VWF: variants seen among roughly 807,000 people sequenced by gnomAD.
VWF encodes the protein Factor VIII related antigen.
In VWF, 176 loss-of-function variants were observed where a neutral mutation model predicts 308.6. The ratio of observed to expected loss-of-function variants is 0.57; its 90% confidence interval spans 0.50 to 0.65. The LOEUF (loss-of-function observed/expected upper bound fraction) is 0.65, where lower values mean the gene tolerates loss of function less well. VWF is among the 30% of genes least tolerant of loss of function. The pLI is 0.00. For synonymous variants in VWF, 1,385 were observed against 1,443.4 expected (o/e 0.96, Z 0.92); for missense variants, 3,146 against 3,648.2 (o/e 0.86, Z 3.55).
intron 3 of VWF, among the ~76,000 whole-genome samples, chr12:6,112,864 C>T (rs144441430): frequency 9.3e-6 from 1 of 107,802 alleles, no homozygotes; most frequent in Non-Finnish European, 1.9e-5. Flanking sequence ...CACACGCACA[C>T]ACACCATGCA....
intron 13 of VWF, among the ~76,000 whole-genome samples, chr12:6,061,090 A>T (rs1944649823): frequency 6.6e-6 from 1 of 152,094 alleles, no homozygotes; most frequent in Non-Finnish European, 1.5e-5. Flanking sequence ...AATCTCAGCT[A>T]CTCGGGAGGT....
At chr12:6,095,174 T>C (rs907591518) in intron 6 of VWF, 2 of 416,624 alleles carry the variant, frequency 4.8e-6, no homozygotes, top group Non-Finnish European at 4.5e-6. Flanking sequence ...CCTCCAGAAC[T>C]ATAAAAGATA....
rs73266874 is a variant in VWF at position 6,114,400 on chromosome 12, C to T, written c.221-3432G>A. On this transcript the variant is annotated intron_variant, in intron 3 of 51. Coordinates refer to ENST00000261405, the MANE Select transcript of VWF (RefSeq NM_000552.5). ...GGGTGCCACAGGGGAGCCCGGAGGT[C>T]GCTATGGCTATAAGTTTGTAAAGTA... Among the ~76,000 whole-genome samples the T allele has an allele frequency of 6.8e-3, 1,034 of 152,236 alleles. 13 individuals carry two copies. Among genetic ancestry groups the T allele is most frequent in the African/African-American group, 0.022 (927 of 41,536 alleles).
chr12:6,068,202 C>T (rs1275269224), intron 10 of VWF, among the ~76,000 whole-genome samples: 4 of 151,788 alleles, frequency 2.6e-5, no homozygotes, highest in Non-Finnish European at 5.9e-5. Context: ...AAGATCCTGC[C>T]TCATGAAAAA....
intron 5 of VWF, 56 bp downstream of exon 5, chr12:6,110,318 A>C: frequency 6.3e-7 from 1 of 1,578,980 alleles, no homozygotes; most frequent in South Asian, 1.1e-5. Context: ...GTTTATGAGC[A>C]AGGAAATAAA....
chr12:5,953,619 G>A (rs1193334816), intron 47 of VWF, 25 bp from the exon 48 acceptor site: 1 of 1,598,000 alleles, frequency 6.3e-7, no homozygotes, highest in Non-Finnish European at 8.6e-7. Context: ...GGAAAAAGCA[G>A]CCATAGTTAA....
chr12:6,017,568 G>A (rs1040650354), intron 28 of VWF, among the ~76,000 whole-genome samples: 4 of 152,318 alleles, frequency 2.6e-5, no homozygotes, highest in Non-Finnish European at 5.9e-5. Flanking sequence ...ACTAGGAATG[G>A]ATTAGACGCC....
In VWF at chr12:6,018,579, A is replaced by G; in HGVS notation, c.4839T>C (p.Ser1613=). ...LVYMVTGNPA[S]DEIKRLPGDI... ...CTCCAGGCAGCCTCTTGATCTCATC[A>G]GAGGCAGGATTTCCGGTGACCATGT... The change falls in exon 28 of 52, where the codon TCT becomes TCC. Residue 1613 remains serine (S), a synonymous_variant. Transcript: ENST00000261405. The G allele has an allele frequency of 6.2e-7, 1 of 1,614,140 alleles. No homozygotes were observed. Among genetic ancestry groups the G allele is most frequent in the Non-Finnish European group, 8.5e-7 (1 of 1,180,006 alleles).
At chr12:6,043,187 A>C (rs1245518397) in intron 18 of VWF, among the ~76,000 whole-genome samples, 1 of 152,206 alleles carries the variant, frequency 6.6e-6, no homozygotes, top group Non-Finnish European at 1.5e-5. Context: ...AGGAGGAGAG[A>C]ATTAACAAGA....
chr12:6,111,751 C>T (rs1194162776), intron 3 of VWF, among the ~76,000 whole-genome samples: 1 of 151,926 alleles, frequency 6.6e-6, no homozygotes, highest in African/African-American at 2.4e-5. Context: ...GAGATCGAGA[C>T]CATCCTGGCT....
chr12:5,964,242 A>G (rs11063960), intron 47 of VWF, among the ~76,000 whole-genome samples: 13,986 of 136,882 alleles, frequency 0.1, 752 homozygotes, highest in South Asian at 0.21. Context: ...ATACATACAT[A>G]CATACATGCA....
At chr12:6,070,771 A>C (rs1227040914) in intron 10 of VWF, among the ~76,000 whole-genome samples, 1 of 151,806 alleles carries the variant, frequency 6.6e-6, no homozygotes, top group African/African-American at 2.4e-5. Context: ...GAGATTGCTC[A>C]ATAATTTTTC....
At chr12:6,056,833 G>C in intron 15 of VWF, 24 bp downstream of exon 15, 1 of 1,361,784 alleles carries the variant, frequency 7.3e-7, no homozygotes, top group Non-Finnish European at 9.4e-7. Context: ...GGCCCGGAGG[G>C]CTGCGGGCAG....
In VWF at chr12:6,111,540, T is replaced by A. The variant is rs550240296; in HGVS notation, c.221-572A>T. ...AGTATGTACCACCACATCCAGCTAA[T>A]TTTTTTTTTCTTTTTGTAGAGACAA... On this transcript the variant is annotated intron_variant, in intron 3 of 51. Transcript: ENST00000261405. Among the ~76,000 whole-genome samples the A allele has an allele frequency of 1.3e-4, 19 of 150,910 alleles. No individual in the cohort carries two copies. In the South Asian group the frequency reaches 4.1e-3, roughly 32 times the overall value.
intron 34 of VWF, among the ~76,000 whole-genome samples, chr12:6,003,326 G>GA (rs948410145): frequency 6.6e-6 from 1 of 152,176 alleles, no homozygotes; most frequent in African/African-American, 2.4e-5. Context: ...ATCAATAACT[G>GA]AAAGAGTGTG....
intron 20 of VWF, among the ~76,000 whole-genome samples, chr12:6,032,829 C>T (rs766707134): frequency 6.6e-5 from 10 of 151,936 alleles, no homozygotes; most frequent in African/African-American, 9.7e-5. Flanking sequence ...CACTCACACA[C>T]GTGCTCACAC....
intron 15 of VWF, 33 bp from the exon 16 acceptor site, chr12:6,052,816 G>A: frequency 6.2e-7 from 1 of 1,601,832 alleles, no homozygotes; most frequent in East Asian, 2.3e-5. Context: ...GGCCTCAGCG[G>A]GAATGTTGGA....
In VWF at chr12:5,968,164, C is replaced by A. The variant is rs770499408; in HGVS notation, c.7733G>T (p.Arg2578Leu). Residue 2578 changes from arginine (R) to leucine (L), a missense_variant, in exon 46 of 52, where the codon CGC becomes CTC. This residue lies in a region of VWF where 989 missense variants were observed against 1,117.4 expected (regional missense o/e 0.89). Coordinates refer to ENST00000261405, the MANE Select transcript of VWF (RefSeq NM_000552.5). ...GCCATTGAGCATGCAGGCCTCCATG[C>A]GCTCTGGGGGAGAGAAAAGTGCAGA... The part of the protein sequence containing the change: ...SACCPSCRCE[R>L]MEACMLNGTV... 14 of 1,613,922 alleles carry A rather than the reference C, an allele frequency of 8.7e-6. No individual in the cohort carries two copies. The highest frequency in any genetic ancestry group is 1.1e-5 in the South Asian group (1 of 91,084).
chr12:6,082,581 A>G (rs949017119), intron 6 of VWF, among the ~76,000 whole-genome samples: 3 of 152,196 alleles, frequency 2.0e-5, no homozygotes, highest in African/African-American at 7.2e-5. Context: ...ACACACTGTA[A>G]CCTCCTCTTG....
Sources: gnomAD v4.1 joint callset for allele counts (sites outside exome capture counted in the v4.1 genomes callset) on GRCh38, gnomAD v4.1.1 for gene constraint, gnomAD v4.1.1 regional missense constraint, MANE v1.5 for transcripts, NCBI Gene and HGNC (gene_info 2026-07-23, HGNC 2026-07-21) for gene names.